Variants in PEX5L observed in about 807,000 individuals in gnomAD.
The protein encoded by PEX5L is peroxisomal biogenesis factor 5 like.
PEX5L carries 30 observed loss-of-function variants against 84.0 expected under a neutral mutation model. The ratio of observed to expected loss-of-function variants is 0.36; its 90% confidence interval spans 0.27 to 0.48. The LOEUF (loss-of-function observed/expected upper bound fraction) is 0.48. Ranked by LOEUF, PEX5L falls within the 20% of genes least tolerant of loss-of-function variation. The probability of loss-of-function intolerance (pLI) is 0.99; values close to 1 mark genes in which losing one functional copy is unlikely to be tolerated. For synonymous variants in PEX5L, 270 were observed against 283.1 expected (o/e 0.95, Z 0.46); for missense variants, 533 against 754.6 (o/e 0.71, Z 3.44).
intron 1 of PEX5L, among the ~76,000 whole-genome samples, chr3:180,004,401 C>T (rs1788687130): frequency 6.6e-6 from 1 of 152,122 alleles, no homozygotes; most frequent in Admixed American, 6.6e-5. Context: ...AAAGGAGACT[C>T]AAACTGCAGA....
chr3:180,011,303 A>G (rs1407322218), intron 1 of PEX5L, among the ~76,000 whole-genome samples: 1 of 152,226 alleles, frequency 6.6e-6, no homozygotes, highest in Non-Finnish European at 1.5e-5. Context: ...CTAAGAGAAA[A>G]GCTTCTAGGC....
intron 8 of PEX5L, among the ~76,000 whole-genome samples, chr3:179,849,143 T>C (rs1473891010): frequency 6.6e-6 from 1 of 152,240 alleles, no homozygotes; most frequent in Middle Eastern, 3.2e-3. Context: ...CCCTAAGTAA[T>C]AAATGGACCT....
intron 8 of PEX5L, among the ~76,000 whole-genome samples, chr3:179,843,361 G>T (rs960392912): frequency 6.6e-6 from 1 of 152,150 alleles, no homozygotes; most frequent in African/African-American, 2.4e-5. Context: ...AAGATTTTTG[G>T]AAGCTCAGCA....
chr3:179,903,323 T>C (rs1296014418), intron 2 of PEX5L, among the ~76,000 whole-genome samples: 2 of 152,088 alleles, frequency 1.3e-5, no homozygotes, highest in Admixed American at 6.6e-5. Context: ...TCGGCTCATG[T>C]GGATCCTCCC....
rs200628771 is a variant in PEX5L, at chr3:179,879,956, C to T, written c.478G>A (p.Val160Ile). 9 of 1,603,980 alleles carry T rather than the reference C, an allele frequency of 5.6e-6. No individual in the cohort carries two copies. Among genetic ancestry groups the T allele is most frequent in the African/African-American group, 2.7e-5 (2 of 74,364 alleles). ...DAEQRGQPLR[V>I]PETSSLDLDI... ...AGATCTAAGGATGAAGTCTCCGGGACTCTGAGAGGCTGGCCTCTCTGCTCA... is the reference window on the plus strand; with the variant it reads ...AGATCTAAGGATGAAGTCTCCGGGATTCTGAGAGGCTGGCCTCTCTGCTCA... Residue 160 changes from valine (V) to isoleucine (I), a missense_variant, in exon 5 of 15, where the codon GTC becomes ATC. By Grantham distance (29) the Val-to-Ile change is conservative. This residue lies in a region of PEX5L where 259 missense variants were observed against 301.7 expected (regional missense o/e 0.86). Coordinates refer to ENST00000467460, the MANE Select transcript of PEX5L (RefSeq NM_016559.3).
intron 1 of PEX5L, among the ~76,000 whole-genome samples, chr3:180,005,464 C>T (rs1371747478): frequency 6.6e-6 from 1 of 152,122 alleles, no homozygotes; most frequent in African/African-American, 2.4e-5. Context: ...CGTGGTGGCT[C>T]ACGCCTGTAA....
chr3:179,808,716 C>T (rs1178725236), intron 12 of PEX5L, among the ~76,000 whole-genome samples: 1 of 152,048 alleles, frequency 6.6e-6, no homozygotes, highest in Admixed American at 6.6e-5. Flanking sequence ...TGTGGAAAAC[C>T]CCACAGCTAA....
At chr3:179,826,827 A>C (rs371360743) in intron 8 of PEX5L, among the ~76,000 whole-genome samples, 3 of 152,316 alleles carry the variant, frequency 2.0e-5, no homozygotes, top group African/African-American at 7.2e-5. Context: ...ACTAAGCCTA[A>C]ACTACATGTT....
intron 14 of PEX5L, among the ~76,000 whole-genome samples, chr3:179,805,330 T>C (rs1438875999): frequency 6.6e-6 from 1 of 152,074 alleles, no homozygotes; most frequent in Non-Finnish European, 1.5e-5. Context: ...AAATGTGAAC[T>C]TCAGATAAAC....
intron 8 of PEX5L, among the ~76,000 whole-genome samples, chr3:179,847,036 CCTCTCT>C (rs1438102553): frequency 6.8e-6 from 1 of 147,212 alleles, no homozygotes; most frequent in Non-Finnish European, 1.5e-5. Context: ...TCCCTGCCTC[CCTCTCT>C]CTCTCTCCCT....
At chr3:179,953,450 C>A (rs1779654222) in intron 2 of PEX5L, among the ~76,000 whole-genome samples, 1 of 152,134 alleles carries the variant, frequency 6.6e-6, no homozygotes. Context: ...TATGAACAGA[C>A]ACTTCTCAAA....
intron 14 of PEX5L, among the ~76,000 whole-genome samples, chr3:179,806,261 T>C (rs998033250): frequency 1.2e-4 from 18 of 152,220 alleles, no homozygotes; most frequent in Admixed American, 1.2e-3. Flanking sequence ...GGATACAAAA[T>C]AGACATCCGC....
chr3:179,915,017 C>T (rs1486531116), intron 2 of PEX5L, among the ~76,000 whole-genome samples: 4 of 152,168 alleles, frequency 2.6e-5, no homozygotes, highest in Non-Finnish European at 5.9e-5. Context: ...CTATAAGATG[C>T]AGCCTTTTTG....
chr3:179,852,649 G>A (rs1742354458), intron 8 of PEX5L, among the ~76,000 whole-genome samples: 1 of 152,140 alleles, frequency 6.6e-6, no homozygotes. Flanking sequence ...AAGGATGTAA[G>A]GATATGCTTC....
At chr3:180,024,816 A>G (rs1298387138) in intron 1 of PEX5L, among the ~76,000 whole-genome samples, 12 of 152,162 alleles carry the variant, frequency 7.9e-5, no homozygotes, top group Non-Finnish European at 1.8e-4. Context: ...CCGACATCAT[A>G]ACGTTCTGTC....
At position 179,794,976 on chromosome 3, in the gene PEX5L, T is replaced by G. The variant is rs1051178956; in HGVS notation, c.*6852A>C. On this transcript the variant is annotated 3_prime_UTR_variant, in exon 15 of 15. Transcript: ENST00000467460. ...ACTGAAATTTATTTTAATATTTTTA[T>G]TCTAAAAAGAATCACAAAATTCAAT... 6.6e-6 allele frequency: 1 copy of G among 152,186 alleles called. No homozygotes were observed. Among genetic ancestry groups the G allele is most frequent in the Non-Finnish European group, 1.5e-5 (1 of 68,036 alleles). 9.4% of individuals were successfully genotyped at this position (152,186 alleles called of 1,614,324 possible).
intron 8 of PEX5L, among the ~76,000 whole-genome samples, chr3:179,852,499 A>C (rs1362123525): frequency 6.6e-6 from 1 of 152,218 alleles, no homozygotes; most frequent in African/African-American, 2.4e-5. Context: ...GGGAGTATCA[A>C]ATAATTTGTG....
chr3:179,813,394 G>A (rs1001839132), intron 10 of PEX5L, among the ~76,000 whole-genome samples: 2 of 152,148 alleles, frequency 1.3e-5, no homozygotes, highest in Admixed American at 6.5e-5. Flanking sequence ...AAAACGCCTT[G>A]TAAAATACAT....
At chr3:180,016,098 ACAC>A (rs56152525) in intron 1 of PEX5L, among the ~76,000 whole-genome samples, 1 of 151,238 alleles carries the variant, frequency 6.6e-6, no homozygotes, top group South Asian at 2.1e-4. Context: ...AAGTGCTGTA[ACAC>A]CACCACCACC....
Sources: allele counts gnomAD v4.1 joint callset (sites outside exome capture counted in the v4.1 genomes callset), GRCh38; gene constraint gnomAD v4.1.1; regional missense constraint gnomAD v4.1.1; transcripts MANE v1.5; gene names NCBI Gene and HGNC (gene_info 2026-07-23, HGNC 2026-07-21).